The following MOCS1 variants were observed in gnomAD, a reference collection of about 807,000 sequenced individuals.
The protein encoded by MOCS1 is molybdenum cofactor biosynthesis protein 1.
MOCS1 carries 39 observed loss-of-function variants against 57.6 expected under a neutral mutation model. The observed-to-expected ratio is 0.68, with a 90% CI of 0.52 to 0.88. The LOEUF is 0.88. MOCS1 is among the 40% of genes least tolerant of loss of function. The pLI, the probability that MOCS1 is intolerant of heterozygous loss-of-function variation, is 0.00. For synonymous variants in MOCS1, 334 were observed against 335.7 expected, an observed-to-expected ratio of 1.00 and a Z score of 0.05; for missense variants, 795 against 831.1, an observed-to-expected ratio of 0.96 and a Z score of 0.53.
intron 3 of MOCS1, among the ~76,000 whole-genome samples, chr6:39,919,780 A>T (rs1251494486): frequency 4.6e-5 from 7 of 152,192 alleles, no homozygotes; most frequent in Non-Finnish European, 1.0e-4. Flanking sequence ...AACTATAAAA[A>T]AATGGCTATC....
intron 4 of MOCS1, among the ~76,000 whole-genome samples, chr6:39,914,447 G>A (rs1314007510): frequency 1.3e-5 from 2 of 152,202 alleles, no homozygotes; most frequent in Non-Finnish European, 2.9e-5. Context: ...TACTCTCTGA[G>A]CACCTACTAC....
rs1430748377 is a variant in MOCS1 at position 39,904,502 on chromosome 6, A to G, written c.*1855T>C. 2.2e-6 allele frequency: 1 copy of G among 454,392 alleles called. No individual in the cohort carries two copies. The highest frequency in any genetic ancestry group is 2.3e-5 in the Admixed American group (1 of 42,590). The allele number at this position is 454,392 out of a possible 1,614,324, so 28.1% of individuals were successfully genotyped here. On this transcript the variant is annotated 3_prime_UTR_variant, in exon 11 of 11. Transcript: ENST00000340692. The stretch of plus-strand genomic sequence containing the variant: ...CACCTTTAGATAAGTTTCTCTAGCT[A>G]ATTTTGTGGCCAATGTAAAATTCGT...
chr6:39,914,703 GAGGGTAA>G (rs1038093037), intron 4 of MOCS1, among the ~76,000 whole-genome samples: 12 of 152,190 alleles, frequency 7.9e-5, no homozygotes, highest in Non-Finnish European at 1.3e-4. Flanking sequence ...TGCTCAGTGA[GAGGGTAA>G]AGGGAAAAAT....
At chr6:39,910,240 T>C (rs767681640) in intron 8 of MOCS1, among the ~76,000 whole-genome samples, 6 of 152,234 alleles carry the variant, frequency 3.9e-5, no homozygotes, top group Non-Finnish European at 8.8e-5. Flanking sequence ...AGAGATAGCA[T>C]GTAAAAATCC....
Position 39,906,265 on chromosome 6 carries a change from G to C in MOCS1, c.*92C>G. On this transcript the variant is annotated 3_prime_UTR_variant, in exon 11 of 11. Coordinates refer to ENST00000340692, the MANE Select transcript of MOCS1 (RefSeq NM_001358530.2). ...TTACTGCTCAAGGTAAACAAACAGT[G>C]ACTGTGATTAAAGGAACCTGACGTC... The C allele has an allele frequency of 4.7e-6, 7 of 1,500,000 alleles. No individual in the cohort carries two copies. The highest frequency in any genetic ancestry group is 6.5e-6 in the Non-Finnish European group (7 of 1,080,840). The allele number at this position is 1,500,000 out of a possible 1,614,324, so 92.9% of individuals were successfully genotyped here. A position where few individuals can be genotyped will look rare whatever the true frequency, so the allele number is the denominator to read the frequency against.
intron 3 of MOCS1, among the ~76,000 whole-genome samples, chr6:39,918,238 G>A (rs372775663): frequency 3.3e-5 from 5 of 152,170 alleles, no homozygotes; most frequent in African/African-American, 9.7e-5. Context: ...CTATGTAAAC[G>A]TATGTCTCTA....
Position 39,934,280 on chromosome 6 carries a change from G to T in MOCS1, c.123+15C>A. On this transcript the variant is annotated intron_variant, in intron 1 of 10. Coordinates refer to ENST00000340692, the MANE Select transcript of MOCS1 (RefSeq NM_001358530.2). ...CTGCCCCGGGAAGCTGTGGACGCAG[G>T]CGGGGTGGGCTCACCTCCGAGGCAG... 6.5e-7 allele frequency: 1 copy of T among 1,534,270 alleles called. No individual in the cohort carries two copies. Among genetic ancestry groups the T allele is most frequent in the Non-Finnish European group, 8.7e-7 (1 of 1,146,076 alleles).
At chr6:39,917,798 T>G (rs1767746144) in intron 3 of MOCS1, among the ~76,000 whole-genome samples, 1 of 152,232 alleles carries the variant, frequency 6.6e-6, no homozygotes, top group African/African-American at 2.4e-5. Flanking sequence ...AAAACCCTAA[T>G]TAGGGCTCTT....
chr6:39,931,317 A>T (rs1051708861), intron 1 of MOCS1, among the ~76,000 whole-genome samples: 6 of 152,228 alleles, frequency 3.9e-5, no homozygotes, highest in African/African-American at 1.2e-4. Flanking sequence ...GCTAAAGGCT[A>T]GCCCTCAAAT....
At chr6:39,931,881 G>A (rs1768661177) in intron 1 of MOCS1, among the ~76,000 whole-genome samples, 3 of 152,142 alleles carry the variant, frequency 2.0e-5, no homozygotes, top group Non-Finnish European at 4.4e-5. Context: ...GAGAAAGAGG[G>A]ATACAGCACT....
chr6:39,927,381 G>C lies in MOCS1; in HGVS notation c.198C>G (p.Gly66=). 6.2e-7 allele frequency: 1 copy of C among 1,612,720 alleles called. No individual in the cohort carries two copies. The highest frequency in any genetic ancestry group is 8.5e-7 in the Non-Finnish European group (1 of 1,179,864). ...AGATCCGCAGGTAGCTGTGCTGCCG[G>C]CCGAAGCTGTCTGTGAGGAAGGCGG... ...PFSAFLTDSF[G]RQHSYLRISL... Residue 66 remains glycine, a synonymous_variant, in exon 2 of 11, where the codon GGC becomes GGG. Coordinates refer to ENST00000340692, the MANE Select transcript of MOCS1 (RefSeq NM_001358530.2).
chr6:39,925,578 G>A (rs1450360613), intron 3 of MOCS1, 100 bp downstream of exon 3: 10 of 1,363,806 alleles, frequency 7.3e-6, no homozygotes, highest in Non-Finnish European at 9.4e-6. Flanking sequence ...AGAGTGTCAT[G>A]TGCTAAATGA....
chr6:39,904,776 G>C lies in MOCS1; in HGVS notation c.*1581C>G. ...GCCTCAGATGACAAATGAGGCTAAT[G>C]GACATAATCTACAGTGTCCTTTTTC... On this transcript the variant is annotated 3_prime_UTR_variant, in exon 11 of 11. Transcript: ENST00000340692. 2.2e-6 allele frequency: 1 copy of C among 454,072 alleles called. No individual in the cohort carries two copies. Among genetic ancestry groups the C allele is most frequent in the Non-Finnish European group, 4.4e-6 (1 of 226,794 alleles). The allele number at this position is 454,072 out of a possible 1,614,324, so 28.1% of individuals were successfully genotyped here.
At chr6:39,911,344 G>T (rs1109104) in intron 8 of MOCS1, among the ~76,000 whole-genome samples, 97,739 of 151,986 alleles carry the variant, frequency 0.64, 31,513 homozygotes, top group Middle Eastern at 0.7. Flanking sequence ...AGATCCCAAG[G>T]CCTTCCAGCT....
chr6:39,930,471 G>C (rs980127998), intron 1 of MOCS1, among the ~76,000 whole-genome samples: 4 of 152,146 alleles, frequency 2.6e-5, no homozygotes, highest in African/African-American at 9.7e-5. Flanking sequence ...TGAATCACAT[G>C]AACAAATAGT....
chr6:39,926,260 G>C (rs1768292819), intron 2 of MOCS1, among the ~76,000 whole-genome samples: 1 of 152,212 alleles, frequency 6.6e-6, no homozygotes, highest in Admixed American at 6.5e-5. Context: ...CTCTCTGTGT[G>C]TCATGGGGTG....
intron 3 of MOCS1, among the ~76,000 whole-genome samples, chr6:39,921,898 A>T (rs186533254): frequency 3.1e-4 from 47 of 152,238 alleles, no homozygotes; most frequent in Admixed American, 3.1e-3. Context: ...CCTAGTACTC[A>T]ATAGTTATTT....
At chr6:39,913,206 A>G in intron 6 of MOCS1, 111 bp downstream of exon 6, 1 of 1,008,952 alleles carries the variant, frequency 9.9e-7, no homozygotes, top group Non-Finnish European at 1.6e-6. Context: ...GCCCATCATA[A>G]TCCTAGACTC....
chr6:39,907,063 CA>C lies in MOCS1; in HGVS notation c.1204del (p.Trp402GlyfsTer9), dbSNP rs1767005703. 3 of 1,613,410 alleles carry C rather than the reference CA, an allele frequency of 1.9e-6. No individual in the cohort carries two copies. The highest frequency in any genetic ancestry group is 1.3e-5 in the African/African-American group (1 of 74,966). On this transcript the variant is annotated frameshift_variant, in exon 11 of 11. Transcript: ENST00000340692. LOFTEE classifies it high-confidence loss of function. Reference protein sequence around the residue: ...SPPANPSIFSWDPLHVQGLRP... With the variant: ...SPPANPSIFSXDPLHVQGLRP... ...TAGACCCTGAACATGGAGCGGGTCCCAGGAGAAAATGCTTGGATTGGCTGGT... is the reference window on the plus strand; with the variant it reads ...TAGACCCTGAACATGGAGCGGGTCCCGGAGAAAATGCTTGGATTGGCTGGT...
Sources: gnomAD v4.1 joint callset for allele counts (sites outside exome capture counted in the v4.1 genomes callset) on GRCh38, gnomAD v4.1.1 for gene constraint, MANE v1.5 for transcripts, NCBI Gene and HGNC (gene_info 2026-07-23, HGNC 2026-07-21) for gene names.